The following RERE variants were observed in gnomAD, a reference collection of about 807,000 sequenced individuals.
The protein encoded by RERE is arginine-glutamic acid dipeptide repeats protein.
Under a neutral mutation model 146.1 loss-of-function variants are expected in RERE, and 40 were observed. The ratio of observed to expected loss-of-function variants is 0.27; its 90% CI spans 0.21 to 0.36. The LOEUF (loss-of-function observed/expected upper bound fraction) is 0.36, where lower values mean the gene tolerates loss of function less well. RERE is among the 10% of genes least tolerant of loss of function. The pLI, the probability that RERE is intolerant of heterozygous loss-of-function variation, is 1.00. For synonymous variants in RERE, 1,003 were observed against 866.0 expected (o/e 1.16, Z -2.78); for missense variants, 1,933 against 2,138.7 (o/e 0.90, Z 1.90).
In RERE at chr1:8,549,476, T is replaced by C. The variant is rs573754594; in HGVS notation, c.725+6999A>G. Among the ~76,000 whole-genome samples the C allele has an allele frequency of 6.6e-5, 10 of 152,188 alleles. 1 individual carries two copies. In the South Asian group the frequency reaches 1.5e-3, roughly 22 times the overall value. On this transcript the variant is annotated intron_variant, in intron 6 of 22. Transcript: ENST00000400908. Reference sequence around the variant, plus strand: ...ATTTATGGGATAAAAGGGAGATTTCTTTACTACAGTGGAATTCCAATTAAT... The same window carrying C: ...ATTTATGGGATAAAAGGGAGATTTCCTTACTACAGTGGAATTCCAATTAAT...
At position 8,355,079 on chromosome 1, in the gene RERE, T is replaced by G. The variant is rs776267299; in HGVS notation, c.*8A>C. The G allele has an allele frequency of 1.2e-6, 2 of 1,613,246 alleles. No homozygotes were observed. Among genetic ancestry groups the G allele is most frequent in the South Asian group, 2.2e-5 (2 of 90,992 alleles). On this transcript the variant is annotated 3_prime_UTR_variant, in exon 23 of 23. Coordinates refer to ENST00000400908, the MANE Select transcript of RERE (RefSeq NM_001042681.2). The stretch of plus-strand genomic sequence containing the variant: ...GGTTTCCACAGCCAGCGTTAACAAA[T>G]AAATAACTTATAACTGCTTGTCACC...
At chr1:8,643,470 G>T (rs976332883) in intron 2 of RERE, among the ~76,000 whole-genome samples, 1 of 152,134 alleles carries the variant, frequency 6.6e-6, no homozygotes, top group Non-Finnish European at 1.5e-5. Context: ...CAGCAAAAAT[G>T]TTCACTAAAA....
intron 1 of RERE, chr1:8,703,215 G>A (rs999974787): frequency 4.0e-5 from 6 of 151,082 alleles, no homozygotes; most frequent in African/African-American, 7.3e-5. Flanking sequence ...AGGCCTGAGC[G>A]GCCGCAGGGC....
rs747957489 is a variant in RERE at position 8,497,486 on chromosome 1, T to TCAC, written c.920_922dup (p.Gly307dup). 6.2e-7 allele frequency: 1 copy of TCAC among 1,614,112 alleles called. No individual in the cohort carries two copies. Among genetic ancestry groups the TCAC allele is most frequent in the South Asian group, 1.1e-5 (1 of 91,080 alleles). Reference sequence around the variant, plus strand: ...CAGTTCCTCATGTTGGGTCACTGTATCACCATCTGGAGAAGGAAATGGTTG... The same window carrying TCAC: ...CAGTTCCTCATGTTGGGTCACTGTATCACCACCATCTGGAGAAGGAAATGGTTG... On this transcript the variant is annotated inframe_insertion, in exon 9 of 23. Coordinates refer to ENST00000400908, the MANE Select transcript of RERE (RefSeq NM_001042681.2).
intron 12 of RERE, among the ~76,000 whole-genome samples, chr1:8,403,371 A>C (rs986422720): frequency 1.3e-5 from 2 of 151,248 alleles, no homozygotes; most frequent in East Asian, 3.9e-4. Context: ...CTTTGTTTCT[A>C]ATACTGTTTA....
At chr1:8,624,071 A>G (rs1646946470) in intron 3 of RERE, among the ~76,000 whole-genome samples, 1 of 152,254 alleles carries the variant, frequency 6.6e-6, no homozygotes, top group South Asian at 2.1e-4. Flanking sequence ...AAGTTACTAA[A>G]GGGATAAAAA....
intron 1 of RERE, among the ~76,000 whole-genome samples, chr1:8,686,640 C>G (rs999346281): frequency 2.0e-5 from 3 of 152,048 alleles, no homozygotes; most frequent in Non-Finnish European, 4.4e-5. Flanking sequence ...ATCTCAGCTA[C>G]TTGGGAGGCT....
intron 4 of RERE, among the ~76,000 whole-genome samples, chr1:8,610,621 G>T (rs1488417137): frequency 3.3e-5 from 5 of 151,958 alleles, no homozygotes; most frequent in Non-Finnish European, 7.4e-5. Flanking sequence ...AAAAAAGAAT[G>T]ACCAGAATTT....
intron 7 of RERE, among the ~76,000 whole-genome samples, chr1:8,517,050 T>C (rs964559238): frequency 6.6e-6 from 1 of 152,200 alleles, no homozygotes; most frequent in African/African-American, 2.4e-5. Flanking sequence ...GCTATCCATG[T>C]GATAAAATGG....
intron 10 of RERE, among the ~76,000 whole-genome samples, chr1:8,486,755 T>TAAAAAAAAAAAAAAAA (rs33956517): frequency 1.6e-4 from 19 of 122,248 alleles, no homozygotes; most frequent in Admixed American, 1.7e-4. Flanking sequence ...GAGTCCATCT[T>TAAAAAAAAAAAAAAAA]AAAAAAAAAA....
intron 11 of RERE, among the ~76,000 whole-genome samples, chr1:8,455,544 G>A (rs188450830): frequency 6.6e-6 from 1 of 152,120 alleles, no homozygotes; most frequent in Non-Finnish European, 1.5e-5. Context: ...GGAAGGAGTT[G>A]GTTGCTCCTT....
At chr1:8,724,083 T>C (rs1270512659) in intron 1 of RERE, among the ~76,000 whole-genome samples, 3 of 152,228 alleles carry the variant, frequency 2.0e-5, no homozygotes, top group African/African-American at 4.8e-5. Context: ...GCTTTTATCT[T>C]TACCAAAGAT....
chr1:8,735,673 G>C (rs1028297819), intron 1 of RERE, among the ~76,000 whole-genome samples: 2 of 152,028 alleles, frequency 1.3e-5, no homozygotes, highest in African/African-American at 4.8e-5. Context: ...ATTGGATCAC[G>C]GGGCGGTTTC....
intron 7 of RERE, among the ~76,000 whole-genome samples, chr1:8,531,048 TC>T (rs1557675062): frequency 6.6e-6 from 1 of 151,560 alleles, no homozygotes; most frequent in African/African-American, 2.4e-5. Context: ...TATCTATCTA[TC>T]TATCTATCTA....
At chr1:8,547,101 C>G (rs1328214974) in intron 6 of RERE, among the ~76,000 whole-genome samples, 1 of 141,132 alleles carries the variant, frequency 7.1e-6, no homozygotes, top group South Asian at 2.2e-4. Flanking sequence ...AAAAAAAAAA[C>G]AAAATATTAA....
At chr1:8,450,037 ATTTGTCTGTGG>A (rs1644371965) in intron 11 of RERE, among the ~76,000 whole-genome samples, 1 of 152,056 alleles carries the variant, frequency 6.6e-6, no homozygotes, top group East Asian at 1.9e-4. Flanking sequence ...TAATTTGCTT[ATTTGTCTGTGG>A]TCCCTATTAG....
At chr1:8,550,290 T>C (rs1367929234) in intron 6 of RERE, among the ~76,000 whole-genome samples, 2 of 152,190 alleles carry the variant, frequency 1.3e-5, no homozygotes, top group African/African-American at 2.4e-5. Context: ...CATCTACTAG[T>C]AGATTAATAA....
chr1:8,383,370 C>T (rs926112154), intron 12 of RERE, among the ~76,000 whole-genome samples: 19 of 151,434 alleles, frequency 1.3e-4, no homozygotes, highest in African/African-American at 4.6e-4. Flanking sequence ...AAAAACGAAA[C>T]CAAGAGAATG....
chr1:8,734,718 TATC>T (rs771534157), intron 1 of RERE, among the ~76,000 whole-genome samples: 11 of 152,240 alleles, frequency 7.2e-5, no homozygotes, highest in Admixed American at 5.9e-4. Flanking sequence ...AAATGTCAGC[TATC>T]ATCATCATCT....
Sources: allele counts gnomAD v4.1 joint callset (sites outside exome capture counted in the v4.1 genomes callset), GRCh38; gene constraint gnomAD v4.1.1; transcripts MANE v1.5; gene names NCBI Gene and HGNC (gene_info 2026-07-23, HGNC 2026-07-21).